Variants in CHN1 observed in about 807,000 individuals in gnomAD.
The protein encoded by CHN1 is chimerin 1.
A neutral mutation model predicts 59.5 loss-of-function variants in CHN1; 37 were observed. That is an observed-to-expected ratio of 0.62 (90% CI 0.48 to 0.82). CHN1 has a LOEUF of 0.82. CHN1 is among the 40% of genes least tolerant of loss of function. CHN1 has a pLI of 0.00. For synonymous variants in CHN1, 206 were observed against 200.4 expected, an observed-to-expected ratio of 1.03 and a Z score of -0.24; for missense variants, 469 against 571.0, an observed-to-expected ratio of 0.82 and a Z score of 1.82.
intron 1 of CHN1, among the ~76,000 whole-genome samples, chr2:174,953,324 C>G (rs1309397674): frequency 6.6e-6 from 1 of 152,146 alleles, no homozygotes; most frequent in African/African-American, 2.4e-5. Context: ...CACACAAATA[C>G]TTTGAGAAAA....
At position 174,890,931 on chromosome 2, in the gene CHN1, ACTAACACGGTAGGG is replaced by A. The variant is rs575374414; in HGVS notation, c.261-12817_261-12804del. ...ACCAGATATCAATAGCAGTAGAAAA[ACTAACACGGTAGGG>A]CTAACACGGTGAAACCCTGTCTCTA... On this transcript the variant is annotated intron_variant, in intron 5 of 12. Coordinates refer to ENST00000409900, the MANE Select transcript of CHN1 (RefSeq NM_001822.7). Among the ~76,000 whole-genome samples, 314 of 151,892 alleles carry A rather than the reference ACTAACACGGTAGGG, an allele frequency of 2.1e-3. 3 individuals are homozygous for A. The highest frequency in any genetic ancestry group is 6.7e-3 in the African/African-American group (276 of 41,424).
chr2:174,832,268 C>T (rs1188538114), intron 7 of CHN1, among the ~76,000 whole-genome samples: 1 of 151,922 alleles, frequency 6.6e-6, no homozygotes, highest in Non-Finnish European at 1.5e-5. Context: ...CCAGTAAATT[C>T]TGGGATTTAA....
At chr2:174,953,326 T>A (rs1178907095) in intron 1 of CHN1, among the ~76,000 whole-genome samples, 1 of 152,046 alleles carries the variant, frequency 6.6e-6, no homozygotes, top group Non-Finnish European at 1.5e-5. Context: ...CACAAATACT[T>A]TGAGAAAAAG....
intron 8 of CHN1, among the ~76,000 whole-genome samples, chr2:174,813,161 T>A (rs1052576977): frequency 3.3e-5 from 5 of 152,226 alleles, no homozygotes; most frequent in Non-Finnish European, 5.9e-5. Flanking sequence ...TCATATTATA[T>A]CTGAGAAAAC....
rs774381752 is a variant in CHN1, at chr2:174,892,149, T to C, written c.261-14021A>G. Among the ~76,000 whole-genome samples, 102 of 152,162 alleles carry C rather than the reference T, an allele frequency of 6.7e-4. 2 individuals are homozygous for C. The highest frequency in any genetic ancestry group is 1.6e-4 in the Non-Finnish European group (11 of 68,010). Reference sequence around the variant, plus strand: ...AAAGGACAGGACCAGATGGCTTCAGTGAAAAACTCTACCAAACATTTAAAA... The same window carrying C: ...AAAGGACAGGACCAGATGGCTTCAGCGAAAAACTCTACCAAACATTTAAAA... On this transcript the variant is annotated intron_variant, in intron 5 of 12. Coordinates refer to ENST00000409900, the MANE Select transcript of CHN1 (RefSeq NM_001822.7).
At chr2:174,839,158 A>C (rs1686199889) in intron 7 of CHN1, among the ~76,000 whole-genome samples, 1 of 152,194 alleles carries the variant, frequency 6.6e-6, no homozygotes. Flanking sequence ...TGTAAGCATT[A>C]CCTCACATAT....
intron 3 of CHN1, among the ~76,000 whole-genome samples, chr2:174,930,963 T>A (rs1689327756): frequency 6.6e-6 from 1 of 152,014 alleles, no homozygotes; most frequent in Admixed American, 6.6e-5. Context: ...AGAGACAGGG[T>A]TTCACTACGT....
chr2:174,947,402 C>T (rs1371201762), intron 2 of CHN1, among the ~76,000 whole-genome samples: 3 of 151,860 alleles, frequency 2.0e-5, no homozygotes, highest in Non-Finnish European at 4.4e-5. Flanking sequence ...TGTTTCATAA[C>T]GAGGAACTTT....
At chr2:174,856,756 T>C (rs1022133752) in intron 6 of CHN1, among the ~76,000 whole-genome samples, 19 of 152,188 alleles carry the variant, frequency 1.2e-4, no homozygotes, top group African/African-American at 4.6e-4. Context: ...TGGTCTTCTC[T>C]ATATTTTTAA....
intron 6 of CHN1, among the ~76,000 whole-genome samples, chr2:174,871,558 T>C (rs940369559): frequency 1.3e-5 from 2 of 152,280 alleles, no homozygotes; most frequent in Middle Eastern, 3.4e-3. Context: ...TGCGGTGGAA[T>C]GCCAGAATCT....
intron 5 of CHN1, among the ~76,000 whole-genome samples, chr2:174,908,872 T>TA (rs1319427244): frequency 7.2e-5 from 11 of 152,172 alleles, no homozygotes; most frequent in African/African-American, 2.4e-4. Flanking sequence ...TGGATATTAA[T>TA]AAAAAATCTA....
At chr2:174,951,319 A>C (rs573805720) in intron 2 of CHN1, among the ~76,000 whole-genome samples, 21 of 152,330 alleles carry the variant, frequency 1.4e-4, no homozygotes, top group Non-Finnish European at 2.4e-4. Flanking sequence ...TTCTGAGAAC[A>C]TAAGACCAAT....
chr2:174,830,884 T>C (rs149691210), intron 7 of CHN1, among the ~76,000 whole-genome samples: 83 of 152,308 alleles, frequency 5.4e-4, no homozygotes, highest in African/African-American at 2.0e-3. Context: ...GAAGCACCGC[T>C]TCAAAGAGAA....
chr2:174,918,880 C>A (rs544098875), intron 3 of CHN1, among the ~76,000 whole-genome samples: 1 of 152,130 alleles, frequency 6.6e-6, no homozygotes, highest in Non-Finnish European at 1.5e-5. Context: ...AAACATATAG[C>A]CACAATTGTG....
intron 5 of CHN1, among the ~76,000 whole-genome samples, chr2:174,908,428 G>C (rs780197331): frequency 2.0e-5 from 3 of 152,036 alleles, no homozygotes; most frequent in Non-Finnish European, 4.4e-5. Flanking sequence ...TCTACTAAAA[G>C]CCTTCAATGA....
chr2:174,849,642 C>A (rs1686660408), intron 6 of CHN1, among the ~76,000 whole-genome samples: 1 of 152,132 alleles, frequency 6.6e-6, no homozygotes, highest in Admixed American at 6.5e-5. Flanking sequence ...GCCATCTACT[C>A]ATATATAGAA....
At chr2:174,823,774 G>GT (rs1233206845) in intron 8 of CHN1, among the ~76,000 whole-genome samples, 1 of 152,064 alleles carries the variant, frequency 6.6e-6, no homozygotes, top group Non-Finnish European at 1.5e-5. Flanking sequence ...ATTTCACAAA[G>GT]TATCTCAAAT....
At chr2:174,868,374 C>T (rs1170118131) in intron 6 of CHN1, among the ~76,000 whole-genome samples, 2 of 152,124 alleles carry the variant, frequency 1.3e-5, no homozygotes, top group Non-Finnish European at 2.9e-5. Flanking sequence ...AGAAACACTA[C>T]ACCTCTAGAA....
At chr2:174,966,773 T>C (rs1324457341) in intron 1 of CHN1, among the ~76,000 whole-genome samples, 1 of 152,198 alleles carries the variant, frequency 6.6e-6, no homozygotes, top group Admixed American at 6.5e-5. Flanking sequence ...ATAATGTTTC[T>C]CCTGACATGT....
Sources: allele counts gnomAD v4.1 joint callset (sites outside exome capture counted in the v4.1 genomes callset), GRCh38; gene constraint gnomAD v4.1.1; transcripts MANE v1.5; gene names NCBI Gene and HGNC (gene_info 2026-07-23, HGNC 2026-07-21).